The following DNHD1 variants were observed in gnomAD, a reference collection of about 807,000 sequenced individuals.
DNHD1 encodes dynein heavy chain domain 1, also known as dynein heavy chain domain-containing protein 1.
In DNHD1, 383 loss-of-function variants were observed where a neutral mutation model predicts 458.1. That is an observed-to-expected ratio of 0.84 (90% CI 0.77 to 0.91). DNHD1 has a LOEUF of 0.91. Among genes scored for constraint, DNHD1 ranks in the 40% least tolerant of loss-of-function variants. The pLI is 0.00. For missense variants in DNHD1, 5,336 were observed against 5,866.1 expected, an observed-to-expected ratio of 0.91 and a Z score of 2.95; for synonymous variants, 2,203 against 2,376.9, an observed-to-expected ratio of 0.93 and a Z score of 2.13.
At position 6,545,992 on chromosome 11, in the gene DNHD1, G is replaced by T. The variant is rs945729751; in HGVS notation, c.5053G>T (p.Val1685Leu). 6.4e-7 allele frequency: 1 copy of T among 1,551,768 alleles called. No individual in the cohort carries two copies. Among genetic ancestry groups the T allele is most frequent in the Admixed American group, 2.0e-5 (1 of 51,014 alleles). The stretch of plus-strand genomic sequence containing the variant: ...CCTAGAGGAGGTGGCCTGTGGGACC[G>T]TACTGGGTCCTAATGGTGTGGGCAA... ...LALEEVACGT[V>L]LGPNGVGKRA... The change falls in exon 21 of 43, where the codon GTA (valine) becomes TTA (leucine). Residue 1685 changes from valine (V) to leucine (L), a missense_variant. Around this residue, in one of 4 missense-constraint regions of DNHD1, gnomAD observed 3,932 missense variants for 4,365.6 expected, o/e 0.90. Transcript: ENST00000254579. The surrounding 1 kb of genome is among the most constrained non-coding windows in gnomAD (Gnocchi z 4.9).
rs1456639482 is a variant in DNHD1, at chr11:6,557,537, A to C, written c.8242A>C (p.Ser2748Arg). The change falls in exon 25 of 43, where the codon AGT (serine) becomes CGT (arginine). Residue 2748 changes from serine to arginine, a missense_variant. This residue lies in a region of DNHD1 where 3,932 missense variants were observed against 4,365.6 expected (regional missense o/e 0.90). Coordinates refer to ENST00000254579, the MANE Select transcript of DNHD1 (RefSeq NM_144666.3). ...CAGAGTCTCAAACTCCAGAGATCCAAGTCTAACACCATCCATAGGACCAGT... is the reference window on the plus strand; with the variant it reads ...CAGAGTCTCAAACTCCAGAGATCCACGTCTAACACCATCCATAGGACCAGT... ...VARVSNSRDP[S>R]LTPSIGPVSR... 1 of 1,551,758 alleles carries C rather than the reference A, an allele frequency of 6.4e-7. No homozygotes were observed. Among genetic ancestry groups the C allele is most frequent in the Admixed American group, 2.0e-5 (1 of 51,004 alleles).
chr11:6,557,446 G>T lies in DNHD1; in HGVS notation c.8151G>T (p.Trp2717Cys). ...AATCTGAAGGGGAGTTGGCCCAGTG[G>T]GAGGACTTCAGCAACAGCAATAGTG... ...EVESEGELAQWEDFSNSNSET... is the reference protein window; with the variant it reads ...EVESEGELAQCEDFSNSNSET... The change falls in exon 25 of 43, where the codon TGG (tryptophan) becomes TGT (cysteine). Residue 2717 changes from tryptophan to cysteine, a missense_variant. Coordinates refer to ENST00000254579, the MANE Select transcript of DNHD1 (RefSeq NM_144666.3). The T allele has an allele frequency of 6.4e-7, 1 of 1,551,588 alleles. No individual in the cohort carries two copies. The highest frequency in any genetic ancestry group is 1.2e-5 in the South Asian group (1 of 84,058).
At chr11:6,539,139 G>C (rs1853033514) in intron 16 of DNHD1, 80 bp from the exon 17 acceptor site, 1 of 1,001,996 alleles carries the variant, frequency 1.0e-6, no homozygotes, top group South Asian at 1.4e-5. Context: ...GCTGGGCTGG[G>C]CTGGGCTCTG....
chr11:6,571,832 CTG>C lies in DNHD1; in HGVS notation c.14112_14113del (p.Tyr4705LeufsTer14), dbSNP rs1564826880. 3.7e-6 allele frequency: 6 copies of C among 1,613,944 alleles called. No homozygotes were observed. Among genetic ancestry groups the C allele is most frequent in the Admixed American group, 1.7e-5 (1 of 60,026 alleles). On this transcript the variant is annotated frameshift_variant, in exon 43 of 43. Transcript: ENST00000254579. LOFTEE classifies it high-confidence loss of function. The surrounding 1 kb of genome is among the most constrained non-coding windows in gnomAD (Gnocchi z 5.0). ...GACCTGCCAGCCCCAGCCGACCTGA[CTG>C]TGTACTCGTGTCCTGTGTACATGGG...
intron 28 of DNHD1, 70 bp downstream of exon 28, chr11:6,559,353 C>A: frequency 1.5e-6 from 2 of 1,311,908 alleles, no homozygotes; most frequent in Non-Finnish European, 2.1e-6. Flanking sequence ...TGAAAGGAAG[C>A]AACCAGAATG....
At position 6,567,525 on chromosome 11, in the gene DNHD1, C is replaced by G. The variant is rs1289551180; in HGVS notation, c.12016C>G (p.Leu4006Val). ...LPPFVGLCAS[L>V]AGHSSAWQAY... The stretch of plus-strand genomic sequence containing the variant: ...CCCATTTGTTGGCCTGTGTGCCTCC[C>G]TGGCAGGCCACTCCAGTGCTTGGCA... Residue 4006 changes from leucine to valine, a missense_variant, in exon 36 of 43, where the codon CTG (leucine) becomes GTG (valine). Coordinates refer to ENST00000254579, the MANE Select transcript of DNHD1 (RefSeq NM_144666.3). The G allele has an allele frequency of 6.2e-7, 1 of 1,613,354 alleles. No individual in the cohort carries two copies. Among genetic ancestry groups the G allele is most frequent in the East Asian group, 2.2e-5 (1 of 44,888 alleles).
At chr11:6,511,156 T>C in intron 6 of DNHD1, 117 bp from the exon 7 acceptor site, 1 of 1,363,064 alleles carries the variant, frequency 7.3e-7, no homozygotes, top group Non-Finnish European at 1.0e-6. Flanking sequence ...CTGTTGGTAA[T>C]ATTACAATCT....
At position 6,548,331 on chromosome 11, in the gene DNHD1, G is replaced by A. The variant is rs1001237406; in HGVS notation, c.7027G>A (p.Val2343Ile). 12 of 1,551,494 alleles carry A rather than the reference G, an allele frequency of 7.7e-6. No homozygotes were observed. In the African/African-American group the frequency reaches 1.4e-4, roughly 18 times the overall value. The change falls in exon 23 of 43, where the codon GTC (valine) becomes ATC (isoleucine). Residue 2343 changes from valine (V) to isoleucine (I), a missense_variant. Physicochemically the swap from Val to Ile is conservative, Grantham distance 29. Around this residue, in one of 4 missense-constraint regions of DNHD1, gnomAD observed 3,932 missense variants for 4,365.6 expected, o/e 0.90. Transcript: ENST00000254579. The surrounding 1 kb of genome is among the most constrained non-coding windows in gnomAD (Gnocchi z 4.4). ...TGTAAGCCCTGAAGATGGAACACTG[G>A]TCCCCTTCACTGGCCAATACCTGAG... The part of the protein sequence containing the change: ...LHVSPEDGTL[V>I]PFTGQYLSSH...
intron 37 of DNHD1, 49 bp from the exon 38 acceptor site, chr11:6,568,405 G>T: frequency 6.2e-7 from 1 of 1,606,670 alleles, no homozygotes. Flanking sequence ...CTAGACTTCT[G>T]CCTGACCCTT....
In DNHD1 at chr11:6,557,964, C is replaced by T. The variant is rs763585461; in HGVS notation, c.8669C>T (p.Ser2890Leu). Residue 2890 changes from serine (S) to leucine (L), a missense_variant, in exon 25 of 43, where the codon TCG becomes TTG. This residue lies in a region of DNHD1 where 3,932 missense variants were observed against 4,365.6 expected (regional missense o/e 0.90). Transcript: ENST00000254579. ...CCCCGGCAGCATGGCCTGCTGCTCTCGGGGGCTCTGGGTACTGGGCGCCAC... is the reference window on the plus strand; with the variant it reads ...CCCCGGCAGCATGGCCTGCTGCTCTTGGGGGCTCTGGGTACTGGGCGCCAC... ...ARPRQHGLLL[S>L]GALGTGRHTA... 5.5e-5 allele frequency: 85 copies of T among 1,551,658 alleles called. No homozygotes were observed. The highest frequency in any genetic ancestry group is 3.3e-4 in the Middle Eastern group (2 of 5,992).
chr11:6,567,005 T>A lies in DNHD1; in HGVS notation c.11496T>A (p.His3832Gln), dbSNP rs774541335. Residue 3832 changes from histidine (H) to glutamine (Q), a missense_variant, in exon 36 of 43, where the codon CAT becomes CAA. Physicochemically the swap from His to Gln is conservative, Grantham distance 24 (BLOSUM62 0). Around this residue, in one of 4 missense-constraint regions of DNHD1, gnomAD observed 695 missense variants for 804.2 expected, o/e 0.86. Transcript: ENST00000254579. Reference protein sequence around the residue: ...AQGKLCQLRAHCEELEGQKLQ... With the variant: ...AQGKLCQLRAQCEELEGQKLQ... ...GAAAGCTATGCCAGCTGCGTGCTCA[T>A]TGTGAAGAGTTAGAAGGGCAGAAAC... The A allele has an allele frequency of 2.5e-6, 4 of 1,613,982 alleles. No homozygotes were observed. The South Asian group carries it at 4.4e-5, about 18-fold the overall frequency.
chr11:6,504,467 G>A (rs1056727986), intron 4 of DNHD1, among the ~76,000 whole-genome samples: 13 of 152,148 alleles, frequency 8.5e-5, no homozygotes, highest in African/African-American at 3.1e-4. Context: ...TGTCTTTTTT[G>A]AGACAGAGTT....
chr11:6,559,284 G>A lies in DNHD1; in HGVS notation c.9519+1G>A. ...ACAGCAGCTGAAAGACTCCGGCAAG[G>A]TAAGGAGATGATTTTGAGGCTTCCA... On this transcript the variant is annotated splice_donor_variant, in intron 28 of 42. Coordinates refer to ENST00000254579, the MANE Select transcript of DNHD1 (RefSeq NM_144666.3). LOFTEE classifies it high-confidence loss of function. 1 of 1,551,342 alleles carries A rather than the reference G, an allele frequency of 6.4e-7. No homozygotes were observed. Among genetic ancestry groups the A allele is most frequent in the Non-Finnish European group, 8.7e-7 (1 of 1,146,722 alleles).
intron 7 of DNHD1, among the ~76,000 whole-genome samples, chr11:6,518,749 T>C (rs1264777546): frequency 6.6e-6 from 1 of 152,206 alleles, no homozygotes; most frequent in Non-Finnish European, 1.5e-5. Flanking sequence ...ACATCTCACT[T>C]AGTCTCATAT....
intron 28 of DNHD1, 126 bp downstream of exon 28, chr11:6,559,409 C>A: frequency 1.3e-6 from 1 of 787,444 alleles, no homozygotes. Flanking sequence ...CCTAGGAAAT[C>A]TCTCTGATCT....
rs1853764267 is a variant in DNHD1 at position 6,568,646 on chromosome 11, C to T, written c.12662-19C>T. 3.1e-6 allele frequency: 5 copies of T among 1,613,910 alleles called. No individual in the cohort carries two copies. The highest frequency in any genetic ancestry group is 4.2e-6 in the Non-Finnish European group (5 of 1,179,868). Reference sequence around the variant, plus strand: ...GGGCAACTGTGCTGTGCTGACTCAGCACTCTCCTTCCTCCCCAGCTGTGCT... The same window carrying T: ...GGGCAACTGTGCTGTGCTGACTCAGTACTCTCCTTCCTCCCCAGCTGTGCT... On this transcript the variant is annotated intron_variant, in intron 38 of 42. Transcript: ENST00000254579.
At chr11:6,560,714 G>C (rs1853569968) in intron 28 of DNHD1, among the ~76,000 whole-genome samples, 1 of 152,066 alleles carries the variant, frequency 6.6e-6, no homozygotes, top group South Asian at 2.1e-4. Flanking sequence ...AGCCATAATA[G>C]TGTGTACTTC....
At position 6,498,643 on chromosome 11, in the gene DNHD1, G is replaced by A. The variant is rs750480671; in HGVS notation, c.428G>A (p.Ser143Asn). The part of the protein sequence containing the change: ...AFPPDSSLLD[S>N]ASHADCCPQK... ...CCTCCAGACAGCTCTTTGTTAGACA[G>A]TGCTTCCCATGCTGACTGCTGTCCC... Residue 143 changes from serine (S) to asparagine (N), a missense_variant, in exon 3 of 43, where the codon AGT becomes AAT. Physicochemically the swap from Ser to Asn is conservative, Grantham distance 46. Around this residue, in one of 4 missense-constraint regions of DNHD1, gnomAD observed 3,932 missense variants for 4,365.6 expected, o/e 0.90. Coordinates refer to ENST00000254579, the MANE Select transcript of DNHD1 (RefSeq NM_144666.3). 2 of 1,614,226 alleles carry A rather than the reference G, an allele frequency of 1.2e-6. No individual in the cohort carries two copies. The highest frequency in any genetic ancestry group is 1.7e-6 in the Non-Finnish European group (2 of 1,180,042).
Position 6,545,391 on chromosome 11 carries a change from G to A in DNHD1, c.4452G>A (p.Leu1484=). 1 of 1,551,772 alleles carries A rather than the reference G, an allele frequency of 6.4e-7. No homozygotes were observed. The highest frequency in any genetic ancestry group is 8.7e-7 in the Non-Finnish European group (1 of 1,147,012). The stretch of plus-strand genomic sequence containing the variant: ...CTCTAGGTGAGGCCCTCAAGCAACT[G>A]CCCAAGCAAAACAAGTTGTACCTGC... ...GPSLGEALKQ[L]PKQNKLYLQL... Residue 1484 remains leucine, a synonymous_variant, in exon 21 of 43, where the codon CTG becomes CTA. Coordinates refer to ENST00000254579, the MANE Select transcript of DNHD1 (RefSeq NM_144666.3). The surrounding 1 kb of genome is among the most constrained non-coding windows in gnomAD (Gnocchi z 4.9).
Sources: allele counts gnomAD v4.1 joint callset (sites outside exome capture counted in the v4.1 genomes callset), GRCh38; gene constraint gnomAD v4.1.1; regional missense constraint gnomAD v4.1.1; non-coding constraint Gnocchi (gnomAD v3.1); transcripts MANE v1.5; gene names NCBI Gene and HGNC (gene_info 2026-07-23, HGNC 2026-07-21).